Variants in MYO1E observed in about 807,000 individuals in gnomAD.
MYO1E encodes myosin IE.
In MYO1E, 68 loss-of-function variants were observed where a neutral mutation model predicts 151.1. That is an observed-to-expected ratio of 0.45 (90% CI 0.37 to 0.55). MYO1E has a LOEUF of 0.55. Ranked by LOEUF, MYO1E falls within the 20% of genes least tolerant of loss-of-function variation. MYO1E has a pLI of 0.00. For synonymous variants in MYO1E, 601 were observed against 501.7 expected (o/e 1.20, Z -2.64); for missense variants, 1,363 against 1,389.3 (o/e 0.98, Z 0.30).
At position 59,293,775 on chromosome 15, in the gene MYO1E, G is replaced by A. The variant is rs191014216; in HGVS notation, c.4-21326C>T. On this transcript the variant is annotated intron_variant, in intron 1 of 27. Coordinates refer to ENST00000288235, the MANE Select transcript of MYO1E (RefSeq NM_004998.4). ...CCTGATATATGGGCCAGCTGTGGTG[G>A]CTCACGCCTGTAATCCCAGCACTTT... is the stretch of plus-strand genomic sequence containing the variant. 4.3e-3 allele frequency among the ~76,000 whole-genome samples: 647 copies of A among 152,174 alleles called. 3 individuals are homozygous for A. Among genetic ancestry groups the A allele is most frequent in the Non-Finnish European group, 7.0e-3 (473 of 68,002 alleles).
At chr15:59,311,472 G>A (rs1228147827) in intron 1 of MYO1E, among the ~76,000 whole-genome samples, 1 of 152,100 alleles carries the variant, frequency 6.6e-6, no homozygotes, top group Non-Finnish European at 1.5e-5. Context: ...ACAGGCCACG[G>A]ACCGTATTGC....
chr15:59,306,791 C>T lies in MYO1E; in HGVS notation c.4-34342G>A, dbSNP rs56147301. Among the ~76,000 whole-genome samples the T allele has an allele frequency of 2.5e-3, 387 of 152,318 alleles. 3 individuals are homozygous for T. Among genetic ancestry groups the T allele is most frequent in the African/African-American group, 8.8e-3 (365 of 41,560 alleles). ...TGGATATTAGGGACTGACACGTTAT[C>T]AACAAGGAGCCAAGATGGTGAGGCA... On this transcript the variant is annotated intron_variant, in intron 1 of 27. Coordinates refer to ENST00000288235, the MANE Select transcript of MYO1E (RefSeq NM_004998.4).
chr15:59,183,470 G>A (rs1174191177), intron 18 of MYO1E, among the ~76,000 whole-genome samples: 1 of 151,994 alleles, frequency 6.6e-6, no homozygotes, highest in Non-Finnish European at 1.5e-5. Context: ...AGTGTTCTGG[G>A]ATTACAGGCA....
intron 21 of MYO1E, among the ~76,000 whole-genome samples, chr15:59,172,572 T>C (rs2079602016): frequency 6.6e-6 from 1 of 152,184 alleles, no homozygotes. Flanking sequence ...TTGACTCTTT[T>C]TGACTTAAAA....
intron 3 of MYO1E, among the ~76,000 whole-genome samples, chr15:59,257,920 A>G (rs1482117790): frequency 6.6e-6 from 1 of 152,112 alleles, no homozygotes; most frequent in Non-Finnish European, 1.5e-5. Context: ...TTATTATTTT[A>G]ATTTAACAGA....
intron 9 of MYO1E, 57 bp downstream of exon 9, chr15:59,223,002 A>T: frequency 1.9e-6 from 3 of 1,607,966 alleles, no homozygotes; most frequent in Non-Finnish European, 2.6e-6. Context: ...GTGCTAGGTT[A>T]CTTCTAATCA....
chr15:59,225,849 T>C (rs2079987604), intron 7 of MYO1E, among the ~76,000 whole-genome samples: 1 of 152,150 alleles, frequency 6.6e-6, no homozygotes, highest in Non-Finnish European at 1.5e-5. Context: ...GGTTTCACTG[T>C]GTTAGCCAGG....
intron 1 of MYO1E, among the ~76,000 whole-genome samples, chr15:59,306,655 G>A (rs2080516523): frequency 6.6e-6 from 1 of 152,208 alleles, no homozygotes; most frequent in South Asian, 2.1e-4. Flanking sequence ...TTTGTGAAAG[G>A]TCTCAAAGGA....
intron 18 of MYO1E, among the ~76,000 whole-genome samples, chr15:59,182,581 G>C (rs1596355354): frequency 6.6e-6 from 1 of 152,288 alleles, no homozygotes; most frequent in Middle Eastern, 3.4e-3. Context: ...ATAGAGACAA[G>C]GCTATTTGTC....
chr15:59,151,063 A>G (rs1037879815), intron 26 of MYO1E, among the ~76,000 whole-genome samples: 125 of 140,188 alleles, frequency 8.9e-4, no homozygotes, highest in African/African-American at 3.0e-3. Flanking sequence ...GCGCGCGCGC[A>G]CGTGCACTTA....
intron 1 of MYO1E, among the ~76,000 whole-genome samples, chr15:59,289,743 G>T (rs1264409485): frequency 6.6e-6 from 1 of 152,158 alleles, no homozygotes; most frequent in East Asian, 1.9e-4. Context: ...TGTTCCTTCT[G>T]CCAGTAACTC....
intron 26 of MYO1E, among the ~76,000 whole-genome samples, chr15:59,139,598 C>T (rs1328184672): frequency 6.6e-6 from 1 of 151,020 alleles, no homozygotes; most frequent in Non-Finnish European, 1.5e-5. Context: ...CCTCCCATCC[C>T]TCATTATTAC....
intron 1 of MYO1E, among the ~76,000 whole-genome samples, chr15:59,282,870 G>C (rs2080361195): frequency 2.0e-5 from 1 of 50,198 alleles, no homozygotes. Flanking sequence ...AAGGGAAGGG[G>C]GAGTGGGAGA....
At chr15:59,142,527 C>G (rs547958163) in intron 26 of MYO1E, among the ~76,000 whole-genome samples, 1 of 152,326 alleles carries the variant, frequency 6.6e-6, no homozygotes, top group East Asian at 1.9e-4. Context: ...GTCTTCCTTG[C>G]CAGTTGTTTC....
chr15:59,235,247 C>T (rs2080055361), intron 5 of MYO1E, among the ~76,000 whole-genome samples: 2 of 152,072 alleles, frequency 1.3e-5, no homozygotes, highest in South Asian at 4.1e-4. Context: ...TAGCTCAAAC[C>T]ATGCAAGTTT....
Position 59,372,574 on chromosome 15 carries a change from G to T in MYO1E, c.-74C>A. 6.6e-7 allele frequency: 1 copy of T among 1,519,228 alleles called. No individual in the cohort carries two copies. The highest frequency in any genetic ancestry group is 1.2e-5 in the South Asian group (1 of 82,630). The allele number at this position is 1,519,228 out of a possible 1,614,324, so 94.1% of individuals were successfully genotyped here. A position where few individuals can be genotyped will look rare whatever the true frequency, so the allele number is the denominator to read the frequency against. On this transcript the variant is annotated 5_prime_UTR_variant, in exon 1 of 28. Transcript: ENST00000288235. ...ACTGGGGCTGGAACGCAGTCTTCTG[G>T]GCGAACTTCAAAAGTTGGTTCCCCT... is the stretch of plus-strand genomic sequence containing the variant.
intron 11 of MYO1E, 151 bp from the exon 12 acceptor site, chr15:59,214,465 A>G (rs2079901204): frequency 1.1e-6 from 1 of 905,692 alleles, no homozygotes. Context: ...AGGAGAAACT[A>G]ATTTGGTAAA....
chr15:59,372,681 C>A lies in MYO1E; in HGVS notation c.-181G>T. On this transcript the variant is annotated 5_prime_UTR_variant, in exon 1 of 28. Coordinates refer to ENST00000288235, the MANE Select transcript of MYO1E (RefSeq NM_004998.4). ...GGGGACTCCATCCAGGCGGGATTGG[C>A]GGTGCTAGGTGAGGGCGAGACGGCG... 1.4e-6 allele frequency: 1 copy of A among 738,000 alleles called. No individual in the cohort carries two copies. Among genetic ancestry groups the A allele is most frequent in the Non-Finnish European group, 2.1e-6 (1 of 468,712 alleles). 45.7% of individuals were successfully genotyped at this position (738,000 alleles called of 1,614,324 possible). A position where few individuals can be genotyped will look rare whatever the true frequency, so the allele number is the denominator to read the frequency against.
rs1462810282 is a variant in MYO1E, at chr15:59,134,616, C to T, written c.*2764G>A. The T allele has an allele frequency of 1.3e-5, 2 of 152,210 alleles. No individual in the cohort carries two copies. The highest frequency in any genetic ancestry group is 2.9e-5 in the Non-Finnish European group (2 of 68,062). 9.4% of individuals were successfully genotyped at this position (152,210 alleles called of 1,614,324 possible). A position where few individuals can be genotyped will look rare whatever the true frequency, so the allele number is the denominator to read the frequency against. ...TCTACCCTAGGGTACACAGTCAGGC[C>T]TTCTCATTTAGTTCCTGGTTACTTA... On this transcript the variant is annotated 3_prime_UTR_variant, in exon 28 of 28. Transcript: ENST00000288235.
Sources: allele counts gnomAD v4.1 joint callset (sites outside exome capture counted in the v4.1 genomes callset), GRCh38; gene constraint gnomAD v4.1.1; transcripts MANE v1.5; gene names NCBI Gene and HGNC (gene_info 2026-07-23, HGNC 2026-07-21).